The following PPFIA4 variants were observed in gnomAD, a reference collection of about 807,000 sequenced individuals.
PPFIA4 encodes liprin-alpha-4.
A neutral mutation model predicts 145.7 loss-of-function variants in PPFIA4; 98 were observed. The observed-to-expected ratio is 0.67, with a 90% CI of 0.57 to 0.80. PPFIA4 has a LOEUF of 0.80. Among genes scored for constraint, PPFIA4 ranks in the 30% least tolerant of loss-of-function variants. The pLI, the probability that PPFIA4 is intolerant of heterozygous loss-of-function variation, is 0.00. For missense variants in PPFIA4, 1,457 were observed against 1,632.7 expected (o/e 0.89, Z 1.85); for synonymous variants, 628 against 649.6 (o/e 0.97, Z 0.51).
At chr1:203,050,919 G>A (rs1418896323) in intron 13 of PPFIA4, among the ~76,000 whole-genome samples, 13 of 151,234 alleles carry the variant, frequency 8.6e-5, no homozygotes, top group South Asian at 2.1e-4. Flanking sequence ...GCTTGGGTTC[G>A]ACTATAGAAT....
chr1:203,068,427 G>T lies in PPFIA4; in HGVS notation c.3149-26G>T. ...TTGATGAAACGTAGTATCTCCTTCC[G>T]TCCCTTTTCTTCCCCCACACTCCAG... On this transcript the variant is annotated intron_variant, in intron 26 of 29. Transcript: ENST00000295706. The surrounding 1 kb of genome is among the most constrained non-coding windows in gnomAD (Gnocchi z 4.7). The T allele has an allele frequency of 6.4e-7, 1 of 1,564,140 alleles. No individual in the cohort carries two copies. The highest frequency in any genetic ancestry group is 8.7e-7 in the Non-Finnish European group (1 of 1,151,700).
intron 1 of PPFIA4, among the ~76,000 whole-genome samples, chr1:203,029,004 G>A (rs1026167082): frequency 5.9e-5 from 9 of 152,122 alleles, no homozygotes; most frequent in African/African-American, 1.9e-4. Context: ...GCTTCTAGGG[G>A]ACCCTCTGCA....
In PPFIA4 at chr1:203,075,983, C is replaced by T. The variant is rs538694486; in HGVS notation, c.3574+226C>T. ...CTTCTCCCAGCTGGGACGGCGGGGT[C>T]GCAGAGACTGGAGACCTCCACGGTT... On this transcript the variant is annotated intron_variant, in intron 29 of 29. Coordinates refer to ENST00000295706, the MANE Select transcript of PPFIA4 (RefSeq NM_001304331.2). This position sits in a 1 kb window ranked among gnomAD's most constrained non-coding sequence, Gnocchi z 4.1. The T allele has an allele frequency of 5.9e-4, 313 of 531,742 alleles. 1 individual carries two copies. Among genetic ancestry groups the T allele is most frequent in the African/African-American group, 5.7e-3 (289 of 50,478 alleles). 32.9% of individuals were successfully genotyped at this position (531,742 alleles called of 1,614,324 possible).
rs76494963 is a variant in PPFIA4 at position 203,067,395 on chromosome 1, T to C, written c.3051-300T>C. 616 of 358,492 alleles carry C rather than the reference T, an allele frequency of 1.7e-3. 3 individuals are homozygous for C. The highest frequency in any genetic ancestry group is 0.012 in the African/African-American group (577 of 48,486). The allele number at this position is 358,492 out of a possible 1,614,324, so 22.2% of individuals were successfully genotyped here. A position where few individuals can be genotyped will look rare whatever the true frequency, so the allele number is the denominator to read the frequency against. On this transcript the variant is annotated intron_variant, in intron 25 of 29. Coordinates refer to ENST00000295706, the MANE Select transcript of PPFIA4 (RefSeq NM_001304331.2). ...TGCAGGTGGTAGGGGTCTTTGTCGT[T>C]CCAGTGCCTGGAGAGAGAGGGACAT...
In PPFIA4 at chr1:203,048,319, A is replaced by T. The variant is rs1390369871; in HGVS notation, c.1224+9A>T. On this transcript the variant is annotated intron_variant, in intron 10 of 29. Transcript: ENST00000295706. This position sits in a 1 kb window ranked among gnomAD's most constrained non-coding sequence, Gnocchi z 5.8. Reference sequence around the variant, plus strand: ...ACCAGGAGCTGGCACGGGTGAGGGCACCAGGCCGGGCCCTCAGGCCCCCTC... The same window carrying T: ...ACCAGGAGCTGGCACGGGTGAGGGCTCCAGGCCGGGCCCTCAGGCCCCCTC... 9 of 1,611,216 alleles carry T rather than the reference A, an allele frequency of 5.6e-6. No homozygotes were observed. The South Asian group carries it at 7.7e-5, about 14-fold the overall frequency.
At chr1:203,040,764 G>A (rs1274016572) in intron 2 of PPFIA4, among the ~76,000 whole-genome samples, 1 of 152,228 alleles carries the variant, frequency 6.6e-6, no homozygotes, top group Non-Finnish European at 1.5e-5. Flanking sequence ...AGGGAGGACT[G>A]TTACGTCTGT....
Position 203,056,416 on chromosome 1 carries a change from C to T in PPFIA4, c.2148C>T (p.Thr716=). Residue 716 remains threonine, a synonymous_variant, in exon 18 of 30, where the codon ACC becomes ACT. Coordinates refer to ENST00000295706, the MANE Select transcript of PPFIA4 (RefSeq NM_001304331.2). ...AAGAGAACCGAGAGGATAAAGCCAC[C>T]ATAAAATGTGAGACTTCTCCTCCTT... ...SREENREDKA[T]IKCETSPPSS... 1 of 1,614,028 alleles carries T rather than the reference C, an allele frequency of 6.2e-7. No homozygotes were observed. Among genetic ancestry groups the T allele is most frequent in the Non-Finnish European group, 8.5e-7 (1 of 1,179,888 alleles).
At position 203,043,492 on chromosome 1, in the gene PPFIA4, C is replaced by T; in HGVS notation, c.330C>T (p.Asn110=). Reference sequence around the variant, plus strand: ...CAGAACTGAAAGCAGAACGGAATAACACACGGGTAAGTGGGGATGACCTTG... The same window carrying T: ...CAGAACTGAAAGCAGAACGGAATAATACACGGGTAAGTGGGGATGACCTTG... ...EISELKAERN[N]TRLLLEHLEC... is the part of the protein sequence containing the mutation. The change falls in exon 3 of 30, where the codon AAC becomes AAT. Residue 110 remains asparagine, a synonymous_variant. Transcript: ENST00000295706. The surrounding 1 kb of genome is among the most constrained non-coding windows in gnomAD (Gnocchi z 4.4). 1.2e-6 allele frequency: 2 copies of T among 1,607,200 alleles called. No individual in the cohort carries two copies. The highest frequency in any genetic ancestry group is 4.5e-5 in the East Asian group (2 of 44,662).
At chr1:203,050,089 T>C (rs1203904967) in intron 13 of PPFIA4, among the ~76,000 whole-genome samples, 1 of 152,214 alleles carries the variant, frequency 6.6e-6, no homozygotes, top group Non-Finnish European at 1.5e-5. Context: ...CATCCCTTGC[T>C]TAGCCATGTC....
At chr1:203,056,567 C>G (rs1660970842) in intron 18 of PPFIA4, 59 bp downstream of exon 18, 1 of 1,577,220 alleles carries the variant, frequency 6.3e-7, no homozygotes, top group Admixed American at 1.8e-5. Flanking sequence ...TCCTCCCTTC[C>G]TCTGCCTCTG....
chr1:203,070,242 T>C (rs1237611006), intron 27 of PPFIA4, among the ~76,000 whole-genome samples: 1 of 152,084 alleles, frequency 6.6e-6, no homozygotes, highest in African/African-American at 2.4e-5. Context: ...AGCTTAGCTG[T>C]TGGGAGAAGT....
Position 203,048,263 on chromosome 1 carries a change from C to T in PPFIA4, c.1177C>T (p.Arg393Trp), listed in dbSNP as rs369764915. The change falls in exon 10 of 30, where the codon CGG (arginine) becomes TGG (tryptophan). Residue 393 changes from arginine to tryptophan, a missense_variant. Physicochemically the swap from Arg to Trp is moderately radical, Grantham distance 101 (BLOSUM62 -3). Around this residue, in one of 3 missense-constraint regions of PPFIA4, gnomAD observed 848 missense variants for 1,046.7 expected, o/e 0.81. Coordinates refer to ENST00000295706, the MANE Select transcript of PPFIA4 (RefSeq NM_001304331.2). The surrounding 1 kb of genome is among the most constrained non-coding windows in gnomAD (Gnocchi z 5.8). ...ERHGNIEEHL[R>W]QLEGQLEEKN... ...GCATGGCAACATTGAGGAGCACCTG[C>T]GGCAGCTGGAGGGACAGCTGGAGGA... 5.5e-4 allele frequency: 894 copies of T among 1,612,822 alleles called. No individual in the cohort carries two copies. The highest frequency in any genetic ancestry group is 6.9e-4 in the Non-Finnish European group (820 of 1,179,862).
intron 27 of PPFIA4, among the ~76,000 whole-genome samples, chr1:203,069,198 A>G (rs184478098): frequency 7.2e-5 from 11 of 152,370 alleles, no homozygotes; most frequent in East Asian, 1.9e-4. Context: ...CATCATTTTT[A>G]TGGAGCTGTC....
At position 203,048,369 on chromosome 1, in the gene PPFIA4, G is replaced by A. The variant is rs1387771264; in HGVS notation, c.1224+59G>A. ...CCTTCCCGCAGGACAGGCTCCCAGG[G>A]CGGTCTGTGGAAGGGGCACGGAGGA... On this transcript the variant is annotated intron_variant, in intron 10 of 29. Transcript: ENST00000295706. This position sits in a 1 kb window ranked among gnomAD's most constrained non-coding sequence, Gnocchi z 5.8. 17 of 1,576,338 alleles carry A rather than the reference G, an allele frequency of 1.1e-5. No individual in the cohort carries two copies. Among genetic ancestry groups the A allele is most frequent in the Non-Finnish European group, 3.5e-6 (4 of 1,157,968 alleles).
intron 1 of PPFIA4, among the ~76,000 whole-genome samples, chr1:203,029,059 G>A (rs981152260): frequency 6.6e-6 from 1 of 152,086 alleles, no homozygotes; most frequent in East Asian, 1.9e-4. Context: ...AATGTCACAG[G>A]GACAGGGCTG....
In PPFIA4 at chr1:203,046,242, T is replaced by C. The variant is rs755617512; in HGVS notation, c.1006-6T>C. On this transcript the variant is annotated splice_region_variant and splice_polypyrimidine_tract_variant and intron_variant, in intron 8 of 29. Transcript: ENST00000295706. ...TTGAATCACTTCACCACCCCCACAT[T>C]GCTAGTGTGAGGAGAAGGCCCGACA... 3 of 1,587,022 alleles carry C rather than the reference T, an allele frequency of 1.9e-6. No individual in the cohort carries two copies. The highest frequency in any genetic ancestry group is 2.6e-6 in the Non-Finnish European group (3 of 1,167,432).
At chr1:203,035,498 CA>C in intron 1 of PPFIA4, 1 of 285,336 alleles carries the variant, frequency 3.5e-6, no homozygotes, top group Non-Finnish European at 7.3e-6. Context: ...TCCAATCCCC[CA>C]CCCCCACACA....
At chr1:203,028,554 C>T (rs948327064) in intron 1 of PPFIA4, among the ~76,000 whole-genome samples, 1 of 152,116 alleles carries the variant, frequency 6.6e-6, no homozygotes, top group Non-Finnish European at 1.5e-5. Context: ...ATGCCAAGGA[C>T]ATTCTTCCCT....
At chr1:203,042,269 C>T (rs1659744945) in intron 2 of PPFIA4, among the ~76,000 whole-genome samples, 1 of 152,176 alleles carries the variant, frequency 6.6e-6, no homozygotes, top group African/African-American at 2.4e-5. Flanking sequence ...AGTCTCTCAC[C>T]CCTGTATGCT....
Sources: gnomAD v4.1 joint callset for allele counts (sites outside exome capture counted in the v4.1 genomes callset) on GRCh38, gnomAD v4.1.1 for gene constraint, gnomAD v4.1.1 regional missense constraint, Gnocchi (gnomAD v3.1) non-coding constraint, MANE v1.5 for transcripts, NCBI Gene and HGNC (gene_info 2026-07-23, HGNC 2026-07-21) for gene names.